USP48: variants seen among roughly 807,000 people sequenced by gnomAD.
USP48 encodes the protein ubiquitin specific peptidase 48.
In USP48, 43 loss-of-function variants were observed where a neutral mutation model predicts 150.7. The observed-to-expected ratio is 0.29, with a 90% CI of 0.22 to 0.37. The LOEUF (loss-of-function observed/expected upper bound fraction) is 0.37, where lower values mean the gene tolerates loss of function less well. Among genes scored for constraint, USP48 ranks in the 10% least tolerant of loss-of-function variants. The pLI, the probability that USP48 is intolerant of heterozygous loss-of-function variation, is 1.00. For missense variants in USP48, 813 were observed against 1,249.6 expected (o/e 0.65, Z 5.27); for synonymous variants, 396 against 425.9 (o/e 0.93, Z 0.86).
At chr1:21,766,328 G>C (rs1206074123) in intron 1 of USP48, among the ~76,000 whole-genome samples, 1 of 152,096 alleles carries the variant, frequency 6.6e-6, no homozygotes, top group Non-Finnish European at 1.5e-5. Context: ...CTGAGATCAT[G>C]GCACTGCACC....
At chr1:21,681,798 C>CA (rs1340286644) in intron 25 of USP48, among the ~76,000 whole-genome samples, 2 of 152,144 alleles carry the variant, frequency 1.3e-5, no homozygotes, top group Non-Finnish European at 2.9e-5. Context: ...TCTTTCTGGG[C>CA]TTGGTAACTA....
At chr1:21,781,254 A>G (rs1416184467) in intron 1 of USP48, among the ~76,000 whole-genome samples, 13 of 150,656 alleles carry the variant, frequency 8.6e-5, no homozygotes, top group Non-Finnish European at 1.5e-5. Flanking sequence ...CCCTGTCTCT[A>G]CTAAAAATAC....
rs199539331 is a variant in USP48 at position 21,765,901 on chromosome 1, C to CAAAAAAAAAAAA, written c.135-8130_135-8119dup. Among the ~76,000 whole-genome samples the CAAAAAAAAAAAA allele has an allele frequency of 4.5e-5, 5 of 112,152 alleles. 1 individual carries two copies. Among genetic ancestry groups the CAAAAAAAAAAAA allele is most frequent in the African/African-American group, 2.1e-4 (5 of 24,344 alleles). 73.6% of individuals were successfully genotyped at this position (112,152 alleles called of 152,430 possible). A position where few individuals can be genotyped will look rare whatever the true frequency, so the allele number is the denominator to read the frequency against. ...GGGCAACAAAGTGAGACTCCATCTC[C>CAAAAAAAAAAAA]AAAAAAAAAAAAAAAAAAAAAAAAA... On this transcript the variant is annotated intron_variant, in intron 1 of 26. Coordinates refer to ENST00000308271, the MANE Select transcript of USP48 (RefSeq NM_032236.8).
At chr1:21,694,137 T>A (rs1042967385) in intron 23 of USP48, among the ~76,000 whole-genome samples, 5 of 152,300 alleles carry the variant, frequency 3.3e-5, no homozygotes, top group African/African-American at 1.2e-4. Context: ...AATAACAGTA[T>A]CATGAAACCA....
At chr1:21,727,586 T>C (rs766566309) in intron 11 of USP48, among the ~76,000 whole-genome samples, 82 of 152,214 alleles carry the variant, frequency 5.4e-4, no homozygotes, top group Non-Finnish European at 1.0e-3. Flanking sequence ...CCAACACCTT[T>C]GAACAAAGAC....
At position 21,679,563 on chromosome 1, in the gene USP48, C is replaced by T. The variant is rs1318307126; in HGVS notation, c.3086-124G>A. 4 of 1,214,706 alleles carry T rather than the reference C, an allele frequency of 3.3e-6. No individual in the cohort carries two copies. In the African/African-American group the frequency reaches 4.5e-5, roughly 14 times the overall value. 75.2% of individuals were successfully genotyped at this position (1,214,706 alleles called of 1,614,324 possible). Reference sequence around the variant, plus strand: ...AATTTAATAAATGAACACAGTCGCACCTTGGTGTGGGAGGATAAGACAAAA... The same window carrying T: ...AATTTAATAAATGAACACAGTCGCATCTTGGTGTGGGAGGATAAGACAAAA... On this transcript the variant is annotated intron_variant, in intron 26 of 26. Coordinates refer to ENST00000308271, the MANE Select transcript of USP48 (RefSeq NM_032236.8).
At chr1:21,757,609 A>C in intron 2 of USP48, 54 bp downstream of exon 2, 1 of 1,577,758 alleles carries the variant, frequency 6.3e-7, no homozygotes, top group East Asian at 2.2e-5. Flanking sequence ...AAACAAAAGC[A>C]AAAACAAAAA....
intron 1 of USP48, among the ~76,000 whole-genome samples, chr1:21,779,622 CAAGAG>C: frequency 6.6e-6 from 1 of 152,032 alleles, no homozygotes; most frequent in South Asian, 2.1e-4. Flanking sequence ...GCTCTATAAC[CAAGAG>C]AAATAAAAAT....
intron 8 of USP48, among the ~76,000 whole-genome samples, chr1:21,741,513 C>G (rs1438593153): frequency 2.0e-5 from 3 of 152,044 alleles, no homozygotes; most frequent in African/African-American, 7.2e-5. Context: ...ACCCACAGAC[C>G]CTTACTAAAA....
rs144825141 is a variant in USP48 at position 21,765,743 on chromosome 1, G to A, written c.135-7960C>T. ...AGGTCTTAAAAAGCCAATTTAGGCC[G>A]GGTGTGGTGGCTCACACCCGTAATC... On this transcript the variant is annotated intron_variant, in intron 1 of 26. Coordinates refer to ENST00000308271, the MANE Select transcript of USP48 (RefSeq NM_032236.8). Among the ~76,000 whole-genome samples the A allele has an allele frequency of 7.7e-3, 1,167 of 151,942 alleles. 30 individuals are homozygous for A. The highest frequency in any genetic ancestry group is 0.045 in the Admixed American group (683 of 15,262).
At position 21,757,700 on chromosome 1, in the gene USP48, T is replaced by C. The variant is rs2097840375; in HGVS notation, c.218A>G (p.His73Arg). 1 of 1,613,304 alleles carries C rather than the reference T, an allele frequency of 6.2e-7. No individual in the cohort carries two copies. The highest frequency in any genetic ancestry group is 8.5e-7 in the Non-Finnish European group (1 of 1,179,732). ...CTCACAGTTGGGATCATCGATGTTA[T>C]GAAAACTATTTTCATCTATTTCTCC... is the stretch of plus-strand genomic sequence containing the variant. ...WLGEIDENSF[H>R]NIDDPNCERR... Residue 73 changes from histidine to arginine, a missense_variant, in exon 2 of 27, where the codon CAT becomes CGT. Coordinates refer to ENST00000308271, the MANE Select transcript of USP48 (RefSeq NM_032236.8).
chr1:21,725,181 C>T (rs2097732968), intron 11 of USP48: 1 of 152,136 alleles, frequency 6.6e-6, no homozygotes, highest in African/African-American at 2.4e-5. Flanking sequence ...CTGGTCAAGT[C>T]GAATGTGGCT....
At chr1:21,769,706 G>A (rs540800110) in intron 1 of USP48, among the ~76,000 whole-genome samples, 44 of 152,128 alleles carry the variant, frequency 2.9e-4, no homozygotes, top group Non-Finnish European at 5.6e-4. Flanking sequence ...CCACTGCGCC[G>A]GGCCTACAAA....
intron 9 of USP48, among the ~76,000 whole-genome samples, chr1:21,731,954 T>C (rs2097757949): frequency 6.6e-6 from 1 of 152,088 alleles, no homozygotes; most frequent in Non-Finnish European, 1.5e-5. Context: ...CTGGAAAACA[T>C]GAAGTGTTTC....
At chr1:21,761,514 T>C (rs961272703) in intron 1 of USP48, among the ~76,000 whole-genome samples, 4 of 152,194 alleles carry the variant, frequency 2.6e-5, no homozygotes, top group African/African-American at 9.6e-5. Context: ...CTTTCAGACT[T>C]TGAACAATAA....
intron 11 of USP48, among the ~76,000 whole-genome samples, chr1:21,727,413 C>T (rs773922509): frequency 2.4e-4 from 37 of 152,130 alleles, no homozygotes; most frequent in South Asian, 2.1e-4. Context: ...TGAAAACAGC[C>T]AAAGGAAGCA....
intron 3 of USP48, among the ~76,000 whole-genome samples, chr1:21,755,453 C>CG (rs1421198330): frequency 6.6e-6 from 1 of 151,768 alleles, no homozygotes; most frequent in African/African-American, 2.4e-5. Flanking sequence ...TCCAACTACT[C>CG]GGGGGGGCTC....
At chr1:21,728,924 C>G (rs1347833729) in intron 10 of USP48, among the ~76,000 whole-genome samples, 1 of 152,158 alleles carries the variant, frequency 6.6e-6, no homozygotes, top group Admixed American at 6.6e-5. Context: ...TGATTCCCCC[C>G]ACCTAGCTCT....
At chr1:21,692,586 AC>A (rs2097605749) in intron 23 of USP48, among the ~76,000 whole-genome samples, 1 of 152,220 alleles carries the variant, frequency 6.6e-6, no homozygotes, top group South Asian at 2.1e-4. Flanking sequence ...GGACAAGGGC[AC>A]TGAGATGCTG....
Sources: gnomAD v4.1 joint callset for allele counts (sites outside exome capture counted in the v4.1 genomes callset) on GRCh38, gnomAD v4.1.1 for gene constraint, MANE v1.5 for transcripts, NCBI Gene and HGNC (gene_info 2026-07-23, HGNC 2026-07-21) for gene names.